The following TNIK variants were observed in gnomAD, a reference collection of about 807,000 sequenced individuals.
TNIK encodes the protein TRAF2 and NCK interacting kinase, also known as TRAF2 and NCK-interacting protein kinase.
Under a neutral mutation model 191.3 loss-of-function variants are expected in TNIK, and 49 were observed. The ratio of observed to expected loss-of-function variants is 0.26; its 90% CI spans 0.20 to 0.32. The LOEUF (loss-of-function observed/expected upper bound fraction) is 0.32, where lower values mean the gene tolerates loss of function less well. Ranked by LOEUF, TNIK falls within the 10% of genes least tolerant of loss-of-function variation. TNIK has a pLI of 1.00. For synonymous variants in TNIK, 594 were observed against 600.9 expected, an observed-to-expected ratio of 0.99 and a Z score of 0.17; for missense variants, 1,155 against 1,702.3, an observed-to-expected ratio of 0.68 and a Z score of 5.66.
intron 15 of TNIK, among the ~76,000 whole-genome samples, chr3:171,137,801 A>C (rs1246309411): frequency 6.6e-6 from 1 of 152,238 alleles, no homozygotes; most frequent in Non-Finnish European, 1.5e-5. Flanking sequence ...AGGCATGGAC[A>C]GGAACTGATT....
At chr3:171,225,564 G>A (rs1360293346) in intron 3 of TNIK, 1 of 456,488 alleles carries the variant, frequency 2.2e-6, no homozygotes, top group Non-Finnish European at 4.4e-6. Context: ...AACTGAGAAG[G>A]CAGTCTCTCA....
At chr3:171,180,950 C>T (rs1179202169) in intron 7 of TNIK, among the ~76,000 whole-genome samples, 3 of 152,192 alleles carry the variant, frequency 2.0e-5, no homozygotes, top group African/African-American at 7.2e-5. Flanking sequence ...CAGTTTCATG[C>T]TATAAAACTC....
At chr3:171,389,178 C>T (rs1406797827) in intron 1 of TNIK, among the ~76,000 whole-genome samples, 1 of 152,146 alleles carries the variant, frequency 6.6e-6, no homozygotes, top group Non-Finnish European at 1.5e-5. Context: ...CTAGCACAAC[C>T]ACCTGGTACT....
chr3:171,238,222 T>A (rs924213851), intron 2 of TNIK, among the ~76,000 whole-genome samples: 13 of 151,968 alleles, frequency 8.6e-5, no homozygotes, highest in African/African-American at 2.7e-4. Context: ...ATATTCATAA[T>A]CTTTCAAAAA....
chr3:171,260,240 C>G (rs1208363900), intron 2 of TNIK, among the ~76,000 whole-genome samples: 1 of 152,120 alleles, frequency 6.6e-6, no homozygotes, highest in Non-Finnish European at 1.5e-5. Flanking sequence ...CACACAGCAC[C>G]TAGGCTATAA....
chr3:171,072,452 A>G (rs1265922801), intron 28 of TNIK, among the ~76,000 whole-genome samples: 1 of 152,238 alleles, frequency 6.6e-6, no homozygotes, highest in African/African-American at 2.4e-5. Flanking sequence ...TAAGAGCCAT[A>G]TATGACAAAC....
At chr3:171,085,055 T>A (rs1721162930) in intron 25 of TNIK, 63 bp downstream of exon 25, 11 of 1,340,690 alleles carry the variant, frequency 8.2e-6, no homozygotes, top group Non-Finnish European at 1.1e-5. Flanking sequence ...TTAATTTCCT[T>A]ATCAGGTCAT....
At chr3:171,336,725 C>A (rs923367807) in intron 2 of TNIK, among the ~76,000 whole-genome samples, 3 of 152,176 alleles carry the variant, frequency 2.0e-5, no homozygotes, top group Non-Finnish European at 4.4e-5. Flanking sequence ...TTTGTGGGTA[C>A]TTACCAACCA....
chr3:171,098,177 G>T (rs1443738613), intron 22 of TNIK, among the ~76,000 whole-genome samples: 1 of 152,144 alleles, frequency 6.6e-6, no homozygotes, highest in African/African-American at 2.4e-5. Context: ...TTCCCTACTG[G>T]AGCATTTGCT....
chr3:171,331,433 A>G (rs748670893), intron 2 of TNIK, among the ~76,000 whole-genome samples: 5 of 152,252 alleles, frequency 3.3e-5, no homozygotes, highest in Non-Finnish European at 7.3e-5. Context: ...CAGTCAAAAC[A>G]AAGTATTAAA....
At chr3:171,194,480 G>A in intron 5 of TNIK, 45 bp downstream of exon 5, 1 of 1,531,988 alleles carries the variant, frequency 6.5e-7, no homozygotes, top group Non-Finnish European at 9.0e-7. Flanking sequence ...ATCATGTGTT[G>A]CTTGAAGACT....
At chr3:171,203,073 G>C (rs1409901470) in intron 4 of TNIK, among the ~76,000 whole-genome samples, 1 of 151,304 alleles carries the variant, frequency 6.6e-6, no homozygotes, top group Non-Finnish European at 1.5e-5. Flanking sequence ...AGCTATGAGT[G>C]GTTAATTTTT....
At chr3:171,312,496 A>G (rs952512496) in intron 2 of TNIK, among the ~76,000 whole-genome samples, 1 of 152,034 alleles carries the variant, frequency 6.6e-6, no homozygotes, top group Non-Finnish European at 1.5e-5. Context: ...GGTTTTAACG[A>G]CTACCCACAC....
At position 171,084,184 on chromosome 3, in the gene TNIK, T is replaced by C. The variant is rs915987878; in HGVS notation, c.3140A>G (p.Asn1047Ser). Reference sequence around the variant, plus strand: ...CAGAGCTGCACAAAGTATTTCTGAGTTGAATCGTTTCTTGTATTTTCTGAT... The same window carrying C: ...CAGAGCTGCACAAAGTATTTCTGAGCTGAATCGTTTCTTGTATTTTCTGAT... ...PEIRKYKKRFNSEILCAALWG... is the reference protein window; with the variant it reads ...PEIRKYKKRFSSEILCAALWG... The change falls in exon 26 of 33, where the codon AAC becomes AGC. Residue 1047 changes from asparagine (N) to serine (S), a missense_variant. Physicochemically the swap from Asn to Ser is conservative, Grantham distance 46. Around this residue, in one of 3 missense-constraint regions of TNIK, gnomAD observed 195 missense variants for 415.4 expected, o/e 0.47. Coordinates refer to ENST00000436636, the MANE Select transcript of TNIK (RefSeq NM_015028.4). 4 of 1,613,032 alleles carry C rather than the reference T, an allele frequency of 2.5e-6. No individual in the cohort carries two copies. Among genetic ancestry groups the C allele is most frequent in the Non-Finnish European group, 3.4e-6 (4 of 1,179,650 alleles).
intron 2 of TNIK, among the ~76,000 whole-genome samples, chr3:171,280,344 T>C (rs1323798918): frequency 6.6e-6 from 1 of 152,190 alleles, no homozygotes; most frequent in Non-Finnish European, 1.5e-5. Flanking sequence ...GGCAACAGAA[T>C]ACCCTGTACC....
rs1715794264 is a variant in TNIK, at chr3:171,366,892, A to G, written c.123+2728T>C. Among the ~76,000 whole-genome samples the G allele has an allele frequency of 6.6e-6, 1 of 152,152 alleles. No individual in the cohort carries two copies. Among genetic ancestry groups the G allele is most frequent in the African/African-American group, 2.4e-5 (1 of 41,444 alleles). Reference sequence around the variant, plus strand: ...AGTTCTCATGAGATCTGATGGTTTTATAAGAGGCTTCCCCCTTTACTGGGC... The same window carrying G: ...AGTTCTCATGAGATCTGATGGTTTTGTAAGAGGCTTCCCCCTTTACTGGGC... On this transcript the variant is annotated intron_variant, in intron 2 of 32. Transcript: ENST00000436636. The surrounding 1 kb of genome is among the most constrained non-coding windows in gnomAD (Gnocchi z 4.1).
At position 171,128,885 on chromosome 3, in the gene TNIK, C is replaced by CT; in HGVS notation, c.1609-8_1609-7insA. On this transcript the variant is annotated splice_polypyrimidine_tract_variant and splice_region_variant and intron_variant, in intron 15 of 32. Coordinates refer to ENST00000436636, the MANE Select transcript of TNIK (RefSeq NM_015028.4). ...GCCTTGACCGTTCTTCTACCTACAA[C>CT]CCAAAAAAAAAAAAAAAAAAAAGAC... 1 of 1,196,542 alleles carries CT rather than the reference C, an allele frequency of 8.4e-7. No individual in the cohort carries two copies. Among genetic ancestry groups the CT allele is most frequent in the East Asian group, 2.8e-5 (1 of 35,626 alleles). 74.1% of individuals were successfully genotyped at this position (1,196,542 alleles called of 1,614,324 possible).
At chr3:171,442,216 A>G (rs974630861) in intron 1 of TNIK, among the ~76,000 whole-genome samples, 2 of 152,240 alleles carry the variant, frequency 1.3e-5, no homozygotes, top group Non-Finnish European at 2.9e-5. Flanking sequence ...ACAGGAAAGA[A>G]GGACAGGGGA....
intron 2 of TNIK, among the ~76,000 whole-genome samples, chr3:171,312,113 T>TTA (rs1754087879): frequency 4.4e-5 from 1 of 22,536 alleles, no homozygotes; most frequent in Non-Finnish European, 7.7e-5. Flanking sequence ...AGCTCCAGAT[T>TTA]AAAAAAAAAA....
Sources: gnomAD v4.1 joint callset for allele counts (sites outside exome capture counted in the v4.1 genomes callset) on GRCh38, gnomAD v4.1.1 for gene constraint, gnomAD v4.1.1 regional missense constraint, Gnocchi (gnomAD v3.1) non-coding constraint, MANE v1.5 for transcripts, NCBI Gene and HGNC (gene_info 2026-07-23, HGNC 2026-07-21) for gene names.